Variants in BOP1 observed in about 807,000 individuals in gnomAD.
BOP1 encodes BOP1 ribosomal biogenesis factor, also known as ribosome biogenesis protein BOP1.
BOP1 carries 54 observed loss-of-function variants against 82.9 expected under a neutral mutation model. The observed-to-expected ratio is 0.65, with a 90% CI of 0.52 to 0.82. The LOEUF (loss-of-function observed/expected upper bound fraction) is 0.82, where lower values mean the gene tolerates loss of function less well. Ranked by LOEUF, BOP1 falls within the 40% of genes least tolerant of loss-of-function variation. The probability of loss-of-function intolerance (pLI) is 0.00; values close to 1 mark genes in which losing one functional copy is unlikely to be tolerated. For synonymous variants in BOP1, 566 were observed against 451.1 expected (o/e 1.25, Z -3.23); for missense variants, 1,170 against 1,072.0 (o/e 1.09, Z -1.28).
chr8:144,277,716 C>G (rs1046207071), intron 2 of BOP1, among the ~76,000 whole-genome samples: 1 of 127,156 alleles, frequency 7.9e-6, no homozygotes, highest in Admixed American at 9.0e-5. Flanking sequence ...AGGGGCGCAG[C>G]ATCCCCGTGG....
intron 3 of BOP1, among the ~76,000 whole-genome samples, chr8:144,275,083 G>C (rs1845548150): frequency 6.6e-6 from 1 of 152,050 alleles, no homozygotes; most frequent in Non-Finnish European, 1.5e-5. Flanking sequence ...ACAGCCAAGA[G>C]AGCCGAAGGA....
chr8:144,267,075 C>T, intron 3 of BOP1: 1 of 1,403,964 alleles, frequency 7.1e-7, no homozygotes, highest in Non-Finnish European at 9.2e-7. Context: ...ACGCGGCGCG[C>T]GCCGGCAGCC....
chr8:144,276,291 C>A lies in BOP1; in HGVS notation c.323G>T (p.Cys108Phe). The A allele has an allele frequency of 6.2e-7, 1 of 1,613,462 alleles. No homozygotes were observed. Among genetic ancestry groups the A allele is most frequent in the South Asian group, 1.1e-5 (1 of 91,078 alleles). ...TEEQVQASTP[C>F]PRTEMASARI... ...GGCGCTCGCCATCTCTGTCCTCGGG[C>A]AAGGAGTGCTGGCCTGCAGAGAGAG... Residue 108 changes from cysteine to phenylalanine, a missense_variant, in exon 3 of 16, where the codon TGC (cysteine) becomes TTC (phenylalanine). By Grantham distance (205) the Cys-to-Phe change is radical. Transcript: ENST00000569669.
chr8:144,273,298 C>G (rs1434720928), intron 3 of BOP1, among the ~76,000 whole-genome samples: 1 of 152,210 alleles, frequency 6.6e-6, no homozygotes, highest in Non-Finnish European at 1.5e-5. Context: ...CAGACAGGCC[C>G]GGCTGCATCC....
At chr8:144,263,197 T>C in intron 12 of BOP1, 24 bp downstream of exon 12, 3 of 1,593,388 alleles carry the variant, frequency 1.9e-6, no homozygotes, top group Non-Finnish European at 2.5e-6. Flanking sequence ...CGCTGCAGCC[T>C]CACCCCCAAG....
chr8:144,274,950 TG>T (rs1845546221), intron 3 of BOP1, among the ~76,000 whole-genome samples: 1 of 152,266 alleles, frequency 6.6e-6, no homozygotes, highest in African/African-American at 2.4e-5. Flanking sequence ...GTGCGCGGCG[TG>T]GCCCCCCCGC....
At chr8:144,273,670 C>T (rs1845528153) in intron 3 of BOP1, among the ~76,000 whole-genome samples, 1 of 152,230 alleles carries the variant, frequency 6.6e-6, no homozygotes, top group African/African-American at 2.4e-5. Flanking sequence ...CCCTCCACCC[C>T]GGCCCACCTC....
At chr8:144,280,627 C>T (rs587769836) in intron 2 of BOP1, among the ~76,000 whole-genome samples, 3 of 152,348 alleles carry the variant, frequency 2.0e-5, no homozygotes, top group East Asian at 3.9e-4. Flanking sequence ...CCGAGGCAGG[C>T]GGATCAGTTG....
At chr8:144,288,914 C>T (rs1441068644) in intron 2 of BOP1, among the ~76,000 whole-genome samples, 181 bp downstream of exon 2, 1 of 152,220 alleles carries the variant, frequency 6.6e-6, no homozygotes, top group Non-Finnish European at 1.5e-5. Context: ...GGGAACGGCA[C>T]GCAACTGGGG....
rs2130187408 is a variant in BOP1, at chr8:144,262,715, G to A, written c.1895-43C>T. The A allele has an allele frequency of 2.5e-6, 4 of 1,597,380 alleles. No individual in the cohort carries two copies. In the South Asian group the frequency reaches 4.4e-5, roughly 18 times the overall value. On this transcript the variant is annotated intron_variant, in intron 13 of 15. Coordinates refer to ENST00000569669, the MANE Select transcript of BOP1 (RefSeq NM_015201.5). ...GATGCAGGTGTTCCCGCTCTCACCT[G>A]CAGGGTGCACTGCCCTGCCCGTCAC...
In BOP1 at chr8:144,276,485, G is replaced by A. The variant is rs892435977; in HGVS notation, c.310-181C>T. Among the ~76,000 whole-genome samples, 5 of 152,148 alleles carry A rather than the reference G, an allele frequency of 3.3e-5. No homozygotes were observed. In the East Asian group the frequency reaches 7.7e-4, roughly 23 times the overall value. ...CCTCTGGGGGCTGTGGCTGGCACCCGGCGCCGCAGGTCCTGCCCACGGCCC... is the reference window on the plus strand; with the variant it reads ...CCTCTGGGGGCTGTGGCTGGCACCCAGCGCCGCAGGTCCTGCCCACGGCCC... On this transcript the variant is annotated intron_variant, in intron 2 of 15. Coordinates refer to ENST00000569669, the MANE Select transcript of BOP1 (RefSeq NM_015201.5).
At chr8:144,272,610 T>C (rs1424790097) in intron 3 of BOP1, among the ~76,000 whole-genome samples, 1 of 151,644 alleles carries the variant, frequency 6.6e-6, no homozygotes, top group Non-Finnish European at 1.5e-5. Flanking sequence ...CCAAGGACAC[T>C]GGCCCCGAGT....
intron 2 of BOP1, among the ~76,000 whole-genome samples, chr8:144,279,965 G>A (rs1026570264): frequency 2.6e-5 from 4 of 152,150 alleles, no homozygotes; most frequent in South Asian, 2.1e-4. Flanking sequence ...GCTGAGTGTC[G>A]ATCTTCCTCA....
chr8:144,267,321 G>A (rs2130212135), intron 3 of BOP1: 2 of 1,059,586 alleles, frequency 1.9e-6, no homozygotes, highest in East Asian at 3.6e-5. Flanking sequence ...AGGCCTGCCG[G>A]GGGCTGGGGC....
intron 3 of BOP1, among the ~76,000 whole-genome samples, chr8:144,271,401 T>TC (rs1845490183): frequency 6.6e-6 from 1 of 151,788 alleles, no homozygotes; most frequent in Non-Finnish European, 1.5e-5. Context: ...CTCCCACCTG[T>TC]CCCCCGGGAG....
intron 2 of BOP1, among the ~76,000 whole-genome samples, chr8:144,278,627 G>A (rs1186839185): frequency 1.3e-5 from 2 of 152,222 alleles, no homozygotes; most frequent in African/African-American, 2.4e-5. Flanking sequence ...CAGGAGGGAA[G>A]CAGTCCTAAC....
chr8:144,287,920 C>T (rs1168598585), intron 2 of BOP1, among the ~76,000 whole-genome samples: 14 of 152,108 alleles, frequency 9.2e-5, no homozygotes, highest in East Asian at 1.9e-4. Flanking sequence ...TCCAGAACAC[C>T]GAAACTACTG....
chr8:144,266,663 C>A, intron 3 of BOP1: 1 of 1,261,114 alleles, frequency 7.9e-7, no homozygotes, highest in Admixed American at 3.0e-5. Flanking sequence ...TACCTGTACC[C>A]CGAGGTGAGC....
intron 3 of BOP1, among the ~76,000 whole-genome samples, chr8:144,275,988 T>C (rs1338448817): frequency 6.6e-6 from 1 of 152,112 alleles, no homozygotes; most frequent in Non-Finnish European, 1.5e-5. Context: ...ACCCAGGTCC[T>C]TCCCCTTCAC....
Sources: gnomAD v4.1 joint callset for allele counts (sites outside exome capture counted in the v4.1 genomes callset) on GRCh38, gnomAD v4.1.1 for gene constraint, MANE v1.5 for transcripts, NCBI Gene and HGNC (gene_info 2026-07-23, HGNC 2026-07-21) for gene names.